The following MZF1 variants were observed in gnomAD, a reference collection of about 807,000 sequenced individuals.
MZF1 encodes myeloid zinc finger 1.
In MZF1, 24 loss-of-function variants were observed where a neutral mutation model predicts 28.6. That is an observed-to-expected ratio of 0.84 (90% confidence interval 0.61 to 1.18). MZF1 has a LOEUF of 1.18. Among genes scored for constraint, MZF1 ranks in the 50% most tolerant of loss-of-function variants. The pLI, the probability that MZF1 is intolerant of heterozygous loss-of-function variation, is 0.00. For missense variants in MZF1, 1,166 were observed against 1,026.4 expected (o/e 1.14, Z -1.86); for synonymous variants, 516 against 432.5 (o/e 1.19, Z -2.40).
chr19:58,563,581 G>T (rs566935727), intron 5 of MZF1, 77 bp from the exon 6 acceptor site: 5 of 1,245,136 alleles, frequency 4.0e-6, no homozygotes, highest in South Asian at 1.5e-5. Flanking sequence ...TGGGGACACA[G>T]TGTGAACTAC....
intron 5 of MZF1, chr19:58,564,233 G>T (rs903464893): frequency 6.6e-6 from 1 of 152,090 alleles, no homozygotes; most frequent in African/African-American, 2.4e-5. Flanking sequence ...AGTGGTGAGA[G>T]AAAGTCCATA....
intron 1 of MZF1, chr19:58,572,551 T>G: frequency 7.8e-7 from 1 of 1,289,412 alleles, no homozygotes; most frequent in Non-Finnish European, 1.0e-6. Flanking sequence ...GGGGCTGACC[T>G]CCCTCCTCGC....
chr19:58,569,481 G>C (rs1352848376), intron 4 of MZF1, 35 bp downstream of exon 4: 2 of 1,613,022 alleles, frequency 1.2e-6, no homozygotes, highest in African/African-American at 1.3e-5. Context: ...AACTTCCAGG[G>C]AAAGGAGGAG....
Position 58,569,597 on chromosome 19 carries a change from A to G in MZF1, c.581-11T>C, listed in dbSNP as rs779414974. On this transcript the variant is annotated splice_polypyrimidine_tract_variant and intron_variant, in intron 3 of 5. Coordinates refer to ENST00000215057, the MANE Select transcript of MZF1 (RefSeq NM_198055.2). ...CAGACTCCAGGAAATCTAGAGAGGA[A>G]AACTGGTATCAGGCAGCCTGAGTGA... 2 of 1,592,632 alleles carry G rather than the reference A, an allele frequency of 1.3e-6. No individual in the cohort carries two copies. Among genetic ancestry groups the G allele is most frequent in the South Asian group, 1.1e-5 (1 of 88,672 alleles).
At position 58,562,133 on chromosome 19, in the gene MZF1, C is replaced by T; in HGVS notation, c.2144G>A (p.Gly715Asp). Reference protein sequence around the residue: ...REKPFACQDCGRRFHQSTKLI... With the variant: ...REKPFACQDCDRRFHQSTKLI... ...CTTGGTGCTCTGGTGGAAGCGGCGG[C>T]CACAGTCCTGGCAGGCGAAGGGCTT... The change falls in exon 6 of 6, where the codon GGC (glycine) becomes GAC (aspartate). Residue 715 changes from glycine (G) to aspartate (D), a missense_variant. Physicochemically the swap from Gly to Asp is moderately conservative, Grantham distance 94. Coordinates refer to ENST00000215057, the MANE Select transcript of MZF1 (RefSeq NM_198055.2). 2 of 1,596,834 alleles carry T rather than the reference C, an allele frequency of 1.3e-6. No individual in the cohort carries two copies. The highest frequency in any genetic ancestry group is 8.5e-7 in the Non-Finnish European group (1 of 1,173,562).
At chr19:58,570,050 T>C (rs952139877) in intron 3 of MZF1, 6 of 360,784 alleles carry the variant, frequency 1.7e-5, no homozygotes, top group Non-Finnish European at 3.0e-5. Context: ...ACGCATCTCC[T>C]TGGGGACTGA....
At position 58,570,472 on chromosome 19, in the gene MZF1, C is replaced by T. The variant is rs377395522; in HGVS notation, c.452G>A (p.Ser151Asn). ...EVLSEKMEPS[S>N]FQPLPETEPP... ...CTCAGTTTCAGGTAGGGGCTGGAAA[C>T]TGGAGGGCTCCATCTTCTCTGATAG... The change falls in exon 3 of 6, where the codon AGT becomes AAT. Residue 151 changes from serine (S) to asparagine (N), a missense_variant. Ser to Asn is a conservative substitution (Grantham distance 46). Transcript: ENST00000215057. The T allele has an allele frequency of 6.2e-7, 1 of 1,613,898 alleles. No individual in the cohort carries two copies. The highest frequency in any genetic ancestry group is 1.1e-5 in the South Asian group (1 of 91,084).
chr19:58,567,993 C>T lies in MZF1; in HGVS notation c.772+1284G>A, dbSNP rs372046875. Among the ~76,000 whole-genome samples the T allele has an allele frequency of 3.9e-5, 6 of 152,162 alleles. No individual in the cohort carries two copies. In the South Asian group the frequency reaches 8.3e-4, roughly 21 times the overall value. On this transcript the variant is annotated intron_variant, in intron 5 of 5. Coordinates refer to ENST00000215057, the MANE Select transcript of MZF1 (RefSeq NM_198055.2). ...AGCTCATGCCTGTAATCCCAGCACT[C>T]TGGGAGGCTGAGGTGGGAGCATCAC... is the stretch of plus-strand genomic sequence containing the variant.
chr19:58,563,862 G>A, intron 5 of MZF1: 1 of 202,166 alleles, frequency 4.9e-6, no homozygotes, highest in South Asian at 1.0e-4. Context: ...GAGGCTGGAG[G>A]TGGAGCCAAC....
chr19:58,573,486 C>T (rs544577471), upstream of MZF1: 13 of 152,522 alleles, frequency 8.5e-5, no homozygotes, highest in Admixed American at 7.2e-4. Context: ...GAAGGGGCCT[C>T]TGCTACTTCC....
At chr19:58,570,705 C>T in intron 2 of MZF1, 178 bp from the exon 3 acceptor site, 2 of 703,680 alleles carry the variant, frequency 2.8e-6, no homozygotes, top group Non-Finnish European at 4.6e-6. Flanking sequence ...GAAGGGACCA[C>T]CTGCAGTCCC....
chr19:58,566,990 C>G (rs2054069787), intron 5 of MZF1, among the ~76,000 whole-genome samples: 1 of 151,706 alleles, frequency 6.6e-6, no homozygotes, highest in Admixed American at 6.6e-5. Flanking sequence ...GCAGCCTTGA[C>G]TTCCCTGGCT....
chr19:58,563,598 C>T, intron 5 of MZF1, 94 bp from the exon 6 acceptor site: 1 of 1,059,232 alleles, frequency 9.4e-7, no homozygotes, highest in African/African-American at 1.6e-5. Context: ...CTACAGGGAC[C>T]TGAAACTGAC....
Position 58,562,212 on chromosome 19 carries a change from C to G in MZF1, c.2065G>C (p.Ala689Pro). The G allele has an allele frequency of 6.2e-7, 1 of 1,608,024 alleles. No individual in the cohort carries two copies. The highest frequency in any genetic ancestry group is 1.3e-5 in the African/African-American group (1 of 74,730). The stretch of plus-strand genomic sequence containing the variant: ...GTGAGCGTGGGCCGCTGGCGGAAGG[C>G]CTTGCCACACTCAGGGCATGCGTAG... ...RPYACPECGK[A>P]FRQRPTLTQH... The change falls in exon 6 of 6, where the codon GCC (alanine) becomes CCC (proline). Residue 689 changes from alanine (A) to proline (P), a missense_variant. Ala to Pro is a conservative substitution (Grantham distance 27). Coordinates refer to ENST00000215057, the MANE Select transcript of MZF1 (RefSeq NM_198055.2).
At position 58,573,166 on chromosome 19, in the gene MZF1, T is replaced by A. The variant is rs1053999354; in HGVS notation, c.-152A>T. ...TCCGCGCACCAGCTCGAGCGCCTCCTTGCCCTTCCCCCACCCTCGTCCCCG... is the reference window on the plus strand; with the variant it reads ...TCCGCGCACCAGCTCGAGCGCCTCCATGCCCTTCCCCCACCCTCGTCCCCG... On this transcript the variant is annotated 5_prime_UTR_variant, in exon 1 of 6. The change creates a new upstream start codon in the 5' untranslated region. Transcript: ENST00000215057. 1 of 153,894 alleles carries A rather than the reference T, an allele frequency of 6.5e-6. No homozygotes were observed. The highest frequency in any genetic ancestry group is 1.5e-5 in the Non-Finnish European group (1 of 68,582). 9.5% of individuals were successfully genotyped at this position (153,894 alleles called of 1,614,324 possible). A position where few individuals can be genotyped will look rare whatever the true frequency, so the allele number is the denominator to read the frequency against.
At chr19:58,568,910 C>G (rs1254766215) in intron 5 of MZF1, 1 of 189,068 alleles carries the variant, frequency 5.3e-6, no homozygotes. Context: ...CTGTCCTTGT[C>G]AGGTCCCAGC....
chr19:58,564,898 G>GTTTTTTTTTTTTTTTTTTTTTTTTTTTTT (rs1600099960), intron 5 of MZF1, among the ~76,000 whole-genome samples: 2 of 91,900 alleles, frequency 2.2e-5, no homozygotes, highest in African/African-American at 1.1e-4. Flanking sequence ...GCATCCATGT[G>GTTTTTTTTTTTTTTTTTTTTTTTTTTTTT]TGTGTTTTTT....
intron 5 of MZF1, chr19:58,564,325 C>G (rs1185207237): frequency 6.6e-6 from 1 of 151,716 alleles, no homozygotes. Flanking sequence ...AGACAAATGG[C>G]CAAAAAACAA....
Position 58,563,155 on chromosome 19 carries a change from G to A in MZF1, c.1122C>T (p.His374=), listed in dbSNP as rs899271401. The A allele has an allele frequency of 6.2e-7, 1 of 1,609,774 alleles. No homozygotes were observed. Among genetic ancestry groups the A allele is most frequent in the Admixed American group, 1.7e-5 (1 of 59,968 alleles). The change falls in exon 6 of 6, where the codon CAC becomes CAT. Residue 374 remains histidine (H), a synonymous_variant. Coordinates refer to ENST00000215057, the MANE Select transcript of MZF1 (RefSeq NM_198055.2). ...GTCGCTCACCCGTGTGGATCTTCTGGTGCCTCAGCAGGTTGCTGCGTTGGC... is the reference window on the plus strand; with the variant it reads ...GTCGCTCACCCGTGTGGATCTTCTGATGCCTCAGCAGGTTGCTGCGTTGGC... The part of the protein sequence containing the change: ...VFSQRSNLLR[H]QKIHTGERPF...
Sources: allele counts gnomAD v4.1 joint callset (sites outside exome capture counted in the v4.1 genomes callset), GRCh38; gene constraint gnomAD v4.1.1; transcripts MANE v1.5; gene names NCBI Gene and HGNC (gene_info 2026-07-23, HGNC 2026-07-21).